RFX3: variants seen among roughly 807,000 people sequenced by gnomAD.
RFX3 encodes transcription factor RFX3.
A neutral mutation model predicts 98.6 loss-of-function variants in RFX3; 14 were observed. The observed-to-expected ratio is 0.14, with a 90% confidence interval of 0.09 to 0.22. The LOEUF (loss-of-function observed/expected upper bound fraction) is 0.22, where lower values mean the gene tolerates loss of function less well. RFX3 is among the 10% of genes least tolerant of loss of function. The pLI is 1.00. For missense variants in RFX3, 639 were observed against 926.9 expected (o/e 0.69, Z 4.03); for synonymous variants, 383 against 328.4 (o/e 1.17, Z -1.80).
At chr9:3,461,246 T>C (rs905581590) in intron 1 of RFX3, among the ~76,000 whole-genome samples, 1 of 151,950 alleles carries the variant, frequency 6.6e-6, no homozygotes, top group African/African-American at 2.4e-5. Flanking sequence ...TTGGGTTTCA[T>C]GTTTGCCACC....
chr9:3,524,399 A>G (rs1819008082), intron 1 of RFX3: 1 of 502,070 alleles, frequency 2.0e-6, no homozygotes, highest in African/African-American at 2.1e-5. Context: ...TGTCCAAAGA[A>G]AATCAAAAAG....
intron 7 of RFX3, among the ~76,000 whole-genome samples, chr9:3,287,449 G>A (rs899471765): frequency 9.9e-5 from 15 of 152,044 alleles, no homozygotes; most frequent in African/African-American, 3.6e-4. Context: ...CCTTAGCTAT[G>A]CAACTTTATT....
At chr9:3,458,932 A>C (rs1274857508) in intron 1 of RFX3, among the ~76,000 whole-genome samples, 1 of 152,174 alleles carries the variant, frequency 6.6e-6, no homozygotes, top group Non-Finnish European at 1.5e-5. Context: ...ATCTGCCAAG[A>C]ATAGTATTGA....
chr9:3,345,964 C>A (rs1834402263), intron 3 of RFX3, among the ~76,000 whole-genome samples: 2 of 152,082 alleles, frequency 1.3e-5, no homozygotes, highest in Non-Finnish European at 2.9e-5. Flanking sequence ...AGTGAGAGAA[C>A]CTGAATTCAT....
chr9:3,469,866 T>C (rs1199644729), intron 1 of RFX3, among the ~76,000 whole-genome samples: 3 of 150,994 alleles, frequency 2.0e-5, no homozygotes, highest in African/African-American at 7.3e-5. Flanking sequence ...AAAAAAATTA[T>C]AGCTCATGTG....
intron 1 of RFX3, among the ~76,000 whole-genome samples, chr9:3,500,214 G>T (rs922984764): frequency 1.3e-5 from 2 of 152,138 alleles, no homozygotes; most frequent in Non-Finnish European, 2.9e-5. Context: ...GATGAAGCAA[G>T]AAGAGAATGG....
At chr9:3,483,352 T>C (rs1231773708) in intron 1 of RFX3, among the ~76,000 whole-genome samples, 9 of 152,230 alleles carry the variant, frequency 5.9e-5, no homozygotes, top group Non-Finnish European at 8.8e-5. Context: ...ATAACAATAG[T>C]GTCCCTGTTG....
chr9:3,382,917 A>C (rs1839341247), intron 2 of RFX3, among the ~76,000 whole-genome samples: 1 of 152,150 alleles, frequency 6.6e-6, no homozygotes, highest in Admixed American at 6.6e-5. Context: ...GCAAAGTTTC[A>C]GTTCTTATTT....
In RFX3 at chr9:3,219,494, C is replaced by T. The variant is rs2130465051; in HGVS notation, c.*5548G>A. ...AAAGAGGGGAGAAAAAGAATCAAAC[C>T]AGAACCAAATAAAAGAAGAGACAAA... On this transcript the variant is annotated 3_prime_UTR_variant, in exon 17 of 17. Coordinates refer to ENST00000617270, the MANE Select transcript of RFX3 (RefSeq NM_001282116.2). The T allele has an allele frequency of 6.7e-6, 1 of 148,790 alleles. No homozygotes were observed. Among genetic ancestry groups the T allele is most frequent in the Non-Finnish European group, 1.5e-5 (1 of 67,046 alleles). The allele number at this position is 148,790 out of a possible 1,614,324, so 9.2% of individuals were successfully genotyped here.
chr9:3,367,733 A>C (rs569086875), intron 2 of RFX3, among the ~76,000 whole-genome samples: 37 of 152,352 alleles, frequency 2.4e-4, no homozygotes, highest in Non-Finnish European at 4.9e-4. Context: ...AGTAACACAC[A>C]TAACAACCTA....
chr9:3,354,012 T>C (rs1435522191), intron 2 of RFX3, among the ~76,000 whole-genome samples: 1 of 151,760 alleles, frequency 6.6e-6, no homozygotes, highest in African/African-American at 2.4e-5. Context: ...AGTAGGAAAA[T>C]ACAATATGTA....
At chr9:3,296,748 A>T (rs1398200979) in intron 5 of RFX3, among the ~76,000 whole-genome samples, 1 of 152,062 alleles carries the variant, frequency 6.6e-6, no homozygotes, top group Non-Finnish European at 1.5e-5. Flanking sequence ...AAGTGGAGGT[A>T]AAAGCCCTGA....
intron 1 of RFX3, among the ~76,000 whole-genome samples, chr9:3,507,530 T>G (rs2133797880): frequency 6.6e-6 from 1 of 152,050 alleles, no homozygotes; most frequent in South Asian, 2.1e-4. Context: ...GAGCTCGAAT[T>G]CACACCCAGG....
At chr9:3,417,140 T>A (rs1193459146) in intron 1 of RFX3, among the ~76,000 whole-genome samples, 1 of 151,992 alleles carries the variant, frequency 6.6e-6, no homozygotes, top group South Asian at 2.1e-4. Context: ...TGCCTATTCA[T>A]CAAGAGAATA....
At chr9:3,523,900 T>C (rs1459860594) in intron 1 of RFX3, among the ~76,000 whole-genome samples, 1 of 152,188 alleles carries the variant, frequency 6.6e-6, no homozygotes. Context: ...TCATTTAAAA[T>C]AGCAATCACA....
intron 1 of RFX3, among the ~76,000 whole-genome samples, chr9:3,443,746 G>A (rs1481366388): frequency 4.6e-5 from 7 of 152,126 alleles, no homozygotes; most frequent in Non-Finnish European, 1.0e-4. Context: ...GAGTCAAATG[G>A]TATTTCTGCC....
intron 2 of RFX3, among the ~76,000 whole-genome samples, chr9:3,363,520 C>T (rs970755353): frequency 1.3e-5 from 2 of 152,146 alleles, no homozygotes; most frequent in African/African-American, 4.8e-5. Flanking sequence ...TATTTGTTTG[C>T]AGCCAAAGCA....
intron 1 of RFX3, among the ~76,000 whole-genome samples, chr9:3,434,642 T>A (rs1014926430): frequency 1.3e-5 from 2 of 152,062 alleles, no homozygotes; most frequent in African/African-American, 4.8e-5. Flanking sequence ...AAGATAAACG[T>A]CACCTCTTTA....
intron 1 of RFX3, among the ~76,000 whole-genome samples, chr9:3,424,383 A>C (rs77367338): frequency 2.6e-5 from 2 of 78,094 alleles, no homozygotes; most frequent in Non-Finnish European, 2.3e-5. Flanking sequence ...TTTTTTTGAG[A>C]CGGAGTCTCG....
Sources: allele counts gnomAD v4.1 joint callset (sites outside exome capture counted in the v4.1 genomes callset), GRCh38; gene constraint gnomAD v4.1.1; transcripts MANE v1.5; gene names NCBI Gene and HGNC (gene_info 2026-07-23, HGNC 2026-07-21).